VPS13B: variants seen among roughly 807,000 people sequenced by gnomAD.
VPS13B encodes the protein vacuolar protein sorting 13 homolog B.
A neutral mutation model predicts 426.4 loss-of-function variants in VPS13B; 285 were observed. The ratio of observed to expected loss-of-function variants is 0.67; its 90% CI spans 0.61 to 0.74. VPS13B has a LOEUF of 0.74. Ranked by LOEUF, VPS13B falls within the 30% of genes least tolerant of loss-of-function variation. The pLI is 0.00. For missense variants in VPS13B, 4,537 were observed against 4,782.6 expected (o/e 0.95, Z 1.51); for synonymous variants, 1,676 against 1,676.4 (o/e 1.00, Z 0.01).
chr8:99,362,738 C>T (rs1193130433), intron 19 of VPS13B, among the ~76,000 whole-genome samples: 2 of 152,166 alleles, frequency 1.3e-5, no homozygotes, highest in Non-Finnish European at 2.9e-5. Context: ...TATGTTGCTT[C>T]CAAATCTTGG....
chr8:99,351,287 A>G (rs1275313444), intron 19 of VPS13B, among the ~76,000 whole-genome samples: 1 of 152,162 alleles, frequency 6.6e-6, no homozygotes, highest in African/African-American at 2.4e-5. Flanking sequence ...TCCTATACAG[A>G]TTCGGATTAG....
chr8:99,523,748 G>T (rs2133676586), intron 30 of VPS13B, among the ~76,000 whole-genome samples: 1 of 152,184 alleles, frequency 6.6e-6, no homozygotes, highest in Admixed American at 6.5e-5. Context: ...CAAATAACTG[G>T]AATTCTTTCC....
At chr8:99,041,474 C>T (rs1842959053) in intron 3 of VPS13B, among the ~76,000 whole-genome samples, 1 of 152,126 alleles carries the variant, frequency 6.6e-6, no homozygotes, top group South Asian at 2.1e-4. Flanking sequence ...TTTTGTTCAG[C>T]CTCTAGGGGC....
chr8:99,838,386 A>G (rs2130874035), intron 54 of VPS13B, among the ~76,000 whole-genome samples: 1 of 152,358 alleles, frequency 6.6e-6, no homozygotes, highest in South Asian at 2.1e-4. Flanking sequence ...GACTCCTGTC[A>G]TAGTGTATAG....
intron 21 of VPS13B, among the ~76,000 whole-genome samples, chr8:99,406,366 A>G (rs1390598031): frequency 1.3e-5 from 2 of 152,138 alleles, no homozygotes; most frequent in African/African-American, 2.4e-5. Context: ...TGAATGAATT[A>G]ACCTTTTTGT....
intron 56 of VPS13B, 45 bp from the exon 57 acceptor site, chr8:99,859,259 C>G (rs1816706420): frequency 6.2e-7 from 1 of 1,610,722 alleles, no homozygotes; most frequent in Non-Finnish European, 8.5e-7. Flanking sequence ...GTTGAAAGTT[C>G]TGCATTTGAG....
At chr8:99,824,069 G>T (rs1814529343) in intron 51 of VPS13B, 91 bp downstream of exon 51, 1 of 1,464,298 alleles carries the variant, frequency 6.8e-7, no homozygotes, top group African/African-American at 1.4e-5. Flanking sequence ...CAAATGAAAA[G>T]CTAACCCTGA....
intron 12 of VPS13B, among the ~76,000 whole-genome samples, chr8:99,138,883 C>T (rs1810231638): frequency 6.6e-6 from 1 of 152,116 alleles, no homozygotes; most frequent in African/African-American, 2.4e-5. Flanking sequence ...ACCTTTTAAG[C>T]AAAGGAAACC....
chr8:99,822,856 A>T (rs1480626740), intron 50 of VPS13B, among the ~76,000 whole-genome samples: 2 of 152,210 alleles, frequency 1.3e-5, no homozygotes, highest in Non-Finnish European at 2.9e-5. Flanking sequence ...CAGTAATAAC[A>T]TCTCATGTCA....
intron 25 of VPS13B, among the ~76,000 whole-genome samples, chr8:99,490,619 T>C (rs780475444): frequency 6.1e-4 from 93 of 152,354 alleles, no homozygotes; most frequent in Non-Finnish European, 1.1e-3. Context: ...TTCTTCCTGG[T>C]TTAGTCTTGG....
In VPS13B at chr8:99,699,691, A is replaced by C; in HGVS notation, c.6213A>C (p.Pro2071=). ...CCATGGTGAATAAGGATGATCTTCCAGTCTCCAAATATTACCGTGGAAAGT... is the reference window on the plus strand; with the variant it reads ...CCATGGTGAATAAGGATGATCTTCCCGTCTCCAAATATTACCGTGGAAAGT... ...SNTMVNKDDL[P]VSKYYRGKLS... is the part of the protein sequence containing the mutation. The change falls in exon 36 of 62, where the codon CCA becomes CCC. Residue 2071 remains proline (P), a synonymous_variant. Coordinates refer to ENST00000357162, the MANE Select transcript of VPS13B (RefSeq NM_152564.5). 6.2e-7 allele frequency: 1 copy of C among 1,614,206 alleles called. No individual in the cohort carries two copies. Among genetic ancestry groups the C allele is most frequent in the Non-Finnish European group, 8.5e-7 (1 of 1,180,032 alleles).
intron 27 of VPS13B, among the ~76,000 whole-genome samples, chr8:99,504,851 A>G (rs1476400718): frequency 6.6e-6 from 1 of 152,160 alleles, no homozygotes; most frequent in Non-Finnish European, 1.5e-5. Flanking sequence ...TCTCCTCTCT[A>G]GCTATCAGTC....
chr8:99,320,213 G>C (rs1045412050), intron 19 of VPS13B, among the ~76,000 whole-genome samples: 36 of 152,126 alleles, frequency 2.4e-4, no homozygotes, highest in African/African-American at 8.2e-4. Flanking sequence ...GGATTTATGG[G>C]ATAAAGGTCC....
At chr8:99,422,164 C>T (rs1816413372) in intron 21 of VPS13B, among the ~76,000 whole-genome samples, 1 of 152,114 alleles carries the variant, frequency 6.6e-6, no homozygotes, top group African/African-American at 2.4e-5. Context: ...ACTTGACTAT[C>T]ATCATTTAGA....
At position 99,014,062 on chromosome 8, in the gene VPS13B, C is replaced by G. The variant is rs533336132; in HGVS notation, c.147+127C>G. 3.3e-5 allele frequency: 37 copies of G among 1,128,464 alleles called. No homozygotes were observed. The East Asian group carries it at 8.5e-4, about 26-fold the overall frequency. 69.9% of individuals were successfully genotyped at this position (1,128,464 alleles called of 1,614,324 possible). ...TTTCTACTGATGTATTTTGAGCTAC[C>G]CTGAAACAAGGGGGCTTTATTTTAC... On this transcript the variant is annotated intron_variant, in intron 2 of 61. Coordinates refer to ENST00000357162, the MANE Select transcript of VPS13B (RefSeq NM_152564.5).
chr8:99,716,265 C>T (rs904115133), intron 36 of VPS13B, among the ~76,000 whole-genome samples: 2 of 152,202 alleles, frequency 1.3e-5, no homozygotes, highest in African/African-American at 4.8e-5. Flanking sequence ...AATGTGGTTA[C>T]TGTACTTTAA....
At chr8:99,345,701 C>T (rs1309981548) in intron 19 of VPS13B, among the ~76,000 whole-genome samples, 1 of 152,004 alleles carries the variant, frequency 6.6e-6, no homozygotes, top group Non-Finnish European at 1.5e-5. Context: ...ATTTAAAATT[C>T]TTCAGTCACC....
intron 17 of VPS13B, among the ~76,000 whole-genome samples, chr8:99,210,585 A>G (rs1431337237): frequency 6.6e-6 from 1 of 152,306 alleles, no homozygotes; most frequent in Admixed American, 6.5e-5. Context: ...ATAAACTTAC[A>G]TTATAAGGTC....
intron 3 of VPS13B, among the ~76,000 whole-genome samples, chr8:99,095,159 C>T (rs866236874): frequency 3.3e-5 from 5 of 152,316 alleles, no homozygotes; most frequent in Middle Eastern, 3.4e-3. Context: ...ACTGCTAAAT[C>T]ACCTTTCTAA....
Sources: gnomAD v4.1 joint callset for allele counts (sites outside exome capture counted in the v4.1 genomes callset) on GRCh38, gnomAD v4.1.1 for gene constraint, MANE v1.5 for transcripts, NCBI Gene and HGNC (gene_info 2026-07-23, HGNC 2026-07-21) for gene names.